CRACR2A: variants seen among roughly 807,000 people sequenced by gnomAD.
The protein encoded by CRACR2A is EF-hand calcium-binding domain-containing protein 4B.
A neutral mutation model predicts 90.5 loss-of-function variants in CRACR2A; 79 were observed. The observed-to-expected ratio is 0.87, with a 90% CI of 0.73 to 1.05. The LOEUF (loss-of-function observed/expected upper bound fraction) is 1.05, where lower values mean the gene tolerates loss of function less well. Among genes scored for constraint, CRACR2A ranks in the 50% least tolerant of loss-of-function variants. The pLI is 0.00. For synonymous variants in CRACR2A, 338 were observed against 356.7 expected (o/e 0.95, Z 0.59); for missense variants, 823 against 897.2 (o/e 0.92, Z 1.06).
In CRACR2A at chr12:3,746,059, C is replaced by T. The variant is rs1004117512; in HGVS notation, c.-387+6956G>A. Among the ~76,000 whole-genome samples, 2 of 152,018 alleles carry T rather than the reference C, an allele frequency of 1.3e-5. No homozygotes were observed. Among genetic ancestry groups the T allele is most frequent in the African/African-American group, 4.8e-5 (2 of 41,392 alleles). Reference sequence around the variant, plus strand: ...TCAGGGCCCTGTGCTGTAAATGCTTCCCAGCCTGGGCTGTACTTCTAGGTG... The same window carrying T: ...TCAGGGCCCTGTGCTGTAAATGCTTTCCAGCCTGGGCTGTACTTCTAGGTG... On this transcript the variant is annotated intron_variant, in intron 1 of 19. Coordinates refer to ENST00000440314, the MANE Select transcript of CRACR2A (RefSeq NM_001144958.2). The surrounding 1 kb of genome is among the most constrained non-coding windows in gnomAD (Gnocchi z 4.4).
At chr12:3,660,170 A>C (rs1459538108) in intron 7 of CRACR2A, among the ~76,000 whole-genome samples, 1 of 152,088 alleles carries the variant, frequency 6.6e-6, no homozygotes, top group Non-Finnish European at 1.5e-5. Flanking sequence ...CTGCACTCTC[A>C]GGGGACTCTC....
chr12:3,700,961 A>C (rs1945825919), intron 3 of CRACR2A, among the ~76,000 whole-genome samples: 1 of 152,200 alleles, frequency 6.6e-6, no homozygotes, highest in South Asian at 2.1e-4. Context: ...CTGGGTCATA[A>C]AATGAGTCTT....
rs1263430746 is a variant in CRACR2A at position 3,680,219 on chromosome 12, A to T, written c.340+19T>A. On this transcript the variant is annotated intron_variant, in intron 5 of 19. Transcript: ENST00000440314. ...GTAGACCCATAACCCTGAGGTCCCC[A>T]GCACCCATCAGAACTTACTAAATCC... is the stretch of plus-strand genomic sequence containing the variant. 1 of 1,602,044 alleles carries T rather than the reference A, an allele frequency of 6.2e-7. No homozygotes were observed. Among genetic ancestry groups the T allele is most frequent in the Non-Finnish European group, 8.6e-7 (1 of 1,169,238 alleles).
chr12:3,615,508 A>AG, intron 19 of CRACR2A, 69 bp from the exon 20 acceptor site: 1 of 1,330,484 alleles, frequency 7.5e-7, no homozygotes, highest in East Asian at 2.5e-5. Context: ...CAACCTGGAC[A>AG]AGCTACCCTC....
chr12:3,736,899 G>C (rs1403323792), intron 1 of CRACR2A, among the ~76,000 whole-genome samples: 1 of 152,216 alleles, frequency 6.6e-6, no homozygotes, highest in African/African-American at 2.4e-5. Context: ...TCCCAGTGGA[G>C]GGATGGAAGC....
At chr12:3,743,791 A>G (rs913143781) in intron 1 of CRACR2A, among the ~76,000 whole-genome samples, 2 of 152,180 alleles carry the variant, frequency 1.3e-5, no homozygotes, top group Admixed American at 6.5e-5. Flanking sequence ...GTTAAGCCAC[A>G]TCAGAACCCT....
At chr12:3,653,796 G>C (rs193140818) in intron 10 of CRACR2A, among the ~76,000 whole-genome samples, 7 of 152,234 alleles carry the variant, frequency 4.6e-5, no homozygotes, top group Admixed American at 2.0e-4. Context: ...TGGCCTCCCA[G>C]GTCTCTACAC....
At chr12:3,743,106 A>G (rs1193899282) in intron 1 of CRACR2A, among the ~76,000 whole-genome samples, 3 of 152,258 alleles carry the variant, frequency 2.0e-5, no homozygotes, top group Non-Finnish European at 4.4e-5. Flanking sequence ...TCTAACTGCT[A>G]TTGAGTACAA....
intron 2 of CRACR2A, among the ~76,000 whole-genome samples, chr12:3,718,011 C>A (rs1373112851): frequency 6.6e-6 from 1 of 152,186 alleles, no homozygotes; most frequent in African/African-American, 2.4e-5. Flanking sequence ...CAAGTCCCAG[C>A]TCTGCCACTT....
intron 12 of CRACR2A, among the ~76,000 whole-genome samples, chr12:3,642,221 A>G (rs765947944): frequency 8.7e-5 from 4 of 46,114 alleles, no homozygotes; most frequent in Non-Finnish European, 1.6e-4. Context: ...CTGAAAAAAT[A>G]TATCTATATT....
rs566802736 is a variant in CRACR2A, at chr12:3,651,543, T to C, written c.1046+2669A>G. ...AGCTGACCTTCATCTTTACATTATC[T>C]CTCTGCTTGATAGTTCTTTCTTTAT... On this transcript the variant is annotated intron_variant, in intron 10 of 19. Transcript: ENST00000440314. 3.9e-5 allele frequency among the ~76,000 whole-genome samples: 6 copies of C among 152,336 alleles called. No individual in the cohort carries two copies. The South Asian group carries it at 1.2e-3, about 32-fold the overall frequency.
chr12:3,696,380 T>C (rs1035513101), intron 4 of CRACR2A, among the ~76,000 whole-genome samples: 1 of 152,194 alleles, frequency 6.6e-6, no homozygotes, highest in Non-Finnish European at 1.5e-5. Flanking sequence ...TCCTCTCATG[T>C]TGTGGGAGAG....
Position 3,633,917 on chromosome 12 carries a change from A to G in CRACR2A, c.1603-181T>C, listed in dbSNP as rs1944416860. 2.0e-5 allele frequency among the ~76,000 whole-genome samples: 3 copies of G among 152,304 alleles called. No individual in the cohort carries two copies. On this transcript the variant is annotated intron_variant, in intron 14 of 19. Transcript: ENST00000440314. This position sits in a 1 kb window ranked among gnomAD's most constrained non-coding sequence, Gnocchi z 4.5. ...CAGTGAGCATAGTCGGTCTTGGGGC[A>G]TGGAGGCTTTTTCCAGCATCCGCAG...
intron 1 of CRACR2A, among the ~76,000 whole-genome samples, chr12:3,743,838 C>A (rs948501612): frequency 6.6e-6 from 1 of 152,146 alleles, no homozygotes; most frequent in Non-Finnish European, 1.5e-5. Flanking sequence ...AATCTGAGTT[C>A]TGAGACACAC....
intron 12 of CRACR2A, among the ~76,000 whole-genome samples, chr12:3,643,922 T>C (rs1432721672): frequency 8.3e-6 from 1 of 119,960 alleles, no homozygotes; most frequent in African/African-American, 3.2e-5. Flanking sequence ...TTATATTATA[T>C]ATATATATAT....
chr12:3,647,113 C>T (rs975833242), intron 11 of CRACR2A, among the ~76,000 whole-genome samples: 3 of 152,136 alleles, frequency 2.0e-5, no homozygotes, highest in Non-Finnish European at 2.9e-5. Context: ...GATGGCAGCC[C>T]TTCTCACCCC....
At chr12:3,701,138 A>G (rs1258779263) in intron 3 of CRACR2A, among the ~76,000 whole-genome samples, 1 of 152,110 alleles carries the variant, frequency 6.6e-6, no homozygotes, top group Non-Finnish European at 1.5e-5. Flanking sequence ...GAAAGGGGAA[A>G]TGAAAAAATA....
intron 7 of CRACR2A, among the ~76,000 whole-genome samples, chr12:3,663,917 C>A (rs1443272920): frequency 6.6e-6 from 1 of 152,172 alleles, no homozygotes; most frequent in Non-Finnish European, 1.5e-5. Context: ...GTGCTTCTGC[C>A]ATTGGCGTTT....
intron 17 of CRACR2A, among the ~76,000 whole-genome samples, chr12:3,624,450 T>C (rs1944217346): frequency 1.3e-5 from 2 of 152,254 alleles, no homozygotes; most frequent in African/African-American, 4.8e-5. Flanking sequence ...CTCTGATTGC[T>C]GGTTGCCAAG....
Sources: gnomAD v4.1 joint callset for allele counts (sites outside exome capture counted in the v4.1 genomes callset) on GRCh38, gnomAD v4.1.1 for gene constraint, Gnocchi (gnomAD v3.1) non-coding constraint, MANE v1.5 for transcripts, NCBI Gene and HGNC (gene_info 2026-07-23, HGNC 2026-07-21) for gene names.